The following RB1 variants were observed in gnomAD, a reference collection of about 807,000 sequenced individuals.
RB1 encodes retinoblastoma-associated protein.
RB1 carries 18 observed loss-of-function variants against 135.4 expected under a neutral mutation model. The observed-to-expected ratio is 0.13, with a 90% CI of 0.09 to 0.20. The LOEUF is 0.20. RB1 is among the 10% of genes least tolerant of loss of function. The pLI, the probability that RB1 is intolerant of heterozygous loss-of-function variation, is 1.00. For synonymous variants in RB1, 365 were observed against 373.2 expected, an observed-to-expected ratio of 0.98 and a Z score of 0.25; for missense variants, 868 against 1,110.0, an observed-to-expected ratio of 0.78 and a Z score of 3.10.
intron 17 of RB1, among the ~76,000 whole-genome samples, chr13:48,383,537 C>A (rs923655096): frequency 3.3e-5 from 5 of 152,036 alleles, no homozygotes; most frequent in Middle Eastern, 3.4e-3. Context: ...GCACATGTAA[C>A]CTTAGTTTTA....
intron 2 of RB1, chr13:48,341,040 A>C (rs147921550): frequency 6.6e-6 from 1 of 152,022 alleles, no homozygotes; most frequent in African/African-American, 2.4e-5. Context: ...CTTTTTGATC[A>C]CTCCAGAAAG....
chr13:48,342,246 A>G (rs1952451440), intron 2 of RB1, among the ~76,000 whole-genome samples: 1 of 151,390 alleles, frequency 6.6e-6, no homozygotes, highest in Non-Finnish European at 1.5e-5. Flanking sequence ...CAAACAAATT[A>G]TATGTTATGG....
At chr13:48,335,995 G>A (rs1006378497) in intron 2 of RB1, among the ~76,000 whole-genome samples, 2 of 151,950 alleles carry the variant, frequency 1.3e-5, no homozygotes, top group Non-Finnish European at 2.9e-5. Flanking sequence ...AAAGAGAAGA[G>A]AATGAGGATG....
At chr13:48,350,528 G>A (rs1489572486) in intron 6 of RB1, among the ~76,000 whole-genome samples, 1 of 152,096 alleles carries the variant, frequency 6.6e-6, no homozygotes, top group Non-Finnish European at 1.5e-5. Flanking sequence ...GCAGTACAGA[G>A]GGAAGTTTAT....
At chr13:48,406,011 A>G (rs1948736622) in intron 17 of RB1, among the ~76,000 whole-genome samples, 1 of 152,088 alleles carries the variant, frequency 6.6e-6, no homozygotes, top group Non-Finnish European at 1.5e-5. Flanking sequence ...TATATATACT[A>G]CAGTCTGTTC....
At chr13:48,402,970 T>C (rs2138183490) in intron 17 of RB1, among the ~76,000 whole-genome samples, 1 of 152,292 alleles carries the variant, frequency 6.6e-6, no homozygotes, top group African/African-American at 2.4e-5. Context: ...TAAAGTACTA[T>C]ATATAAAACC....
intron 17 of RB1, among the ~76,000 whole-genome samples, chr13:48,439,221 C>T (rs552697442): frequency 6.6e-6 from 1 of 152,214 alleles, no homozygotes; most frequent in East Asian, 1.9e-4. Context: ...CTATAAAATA[C>T]ACATATCTAC....
chr13:48,418,077 C>T (rs911213246), intron 17 of RB1, among the ~76,000 whole-genome samples: 12 of 152,178 alleles, frequency 7.9e-5, no homozygotes, highest in Non-Finnish European at 8.8e-5. Context: ...GACACATAAT[C>T]GTCAGATTCA....
rs1201326799 is a variant in RB1, at chr13:48,379,578, TTTTG to T, written c.1333-6_1333-3del. 1.9e-6 allele frequency: 3 copies of T among 1,610,408 alleles called. No homozygotes were observed. Among genetic ancestry groups the T allele is most frequent in the African/African-American group, 1.3e-5 (1 of 74,786 alleles). On this transcript the variant is annotated splice_polypyrimidine_tract_variant and intron_variant, in intron 13 of 26. Coordinates refer to ENST00000267163, the MANE Select transcript of RB1 (RefSeq NM_000321.3). ...TAAAATAGCAGGCTCTTATTTTTCT[TTTTG>T]TTTGTTTGTAGCGATACAAACTTGG...
intron 18 of RB1, 100 bp from the exon 19 acceptor site, chr13:48,456,104 A>C (rs1949358006): frequency 1.3e-6 from 2 of 1,553,594 alleles, no homozygotes; most frequent in South Asian, 2.4e-5. Flanking sequence ...ATACCAATTA[A>C]ATAGACAAGA....
At chr13:48,440,725 T>TA (rs1593519013) in intron 17 of RB1, among the ~76,000 whole-genome samples, 1 of 152,228 alleles carries the variant, frequency 6.6e-6, no homozygotes, top group East Asian at 1.9e-4. Context: ...TTTTCTTTGT[T>TA]AAAAGGTAAA....
intron 17 of RB1, among the ~76,000 whole-genome samples, chr13:48,398,165 T>C (rs1246906943): frequency 6.6e-6 from 1 of 152,202 alleles, no homozygotes; most frequent in Non-Finnish European, 1.5e-5. Flanking sequence ...AAGCTTCTCA[T>C]GAATTACCTA....
intron 7 of RB1, among the ~76,000 whole-genome samples, chr13:48,362,113 A>G (rs967325830): frequency 6.6e-6 from 1 of 151,630 alleles, no homozygotes; most frequent in African/African-American, 2.4e-5. Context: ...ACACCTGGCT[A>G]ATTTTTGTAT....
chr13:48,413,806 A>G (rs570796151), intron 17 of RB1, among the ~76,000 whole-genome samples: 7 of 152,306 alleles, frequency 4.6e-5, no homozygotes, highest in African/African-American at 1.7e-4. Flanking sequence ...TTTACTTTCT[A>G]AGCACAAAAT....
chr13:48,479,595 C>T (rs1053031577), intron 26 of RB1, among the ~76,000 whole-genome samples: 4 of 151,782 alleles, frequency 2.6e-5, no homozygotes, highest in Non-Finnish European at 5.9e-5. Context: ...AATTTACTCA[C>T]AGGGATATAT....
At position 48,342,706 on chromosome 13, in the gene RB1, A is replaced by C; in HGVS notation, c.372A>C (p.Ile124=). 1 of 1,594,376 alleles carries C rather than the reference A, an allele frequency of 6.3e-7. No homozygotes were observed. The highest frequency in any genetic ancestry group is 1.1e-5 in the South Asian group (1 of 90,606). The change falls in exon 3 of 27, where the codon ATA becomes ATC. Residue 124 remains isoleucine (I), a synonymous_variant. Transcript: ENST00000267163. ...SFTFTELQKN[I]EISVHKFFNL... is the part of the protein sequence containing the mutation. ...CTTTTACTGAGCTACAGAAAAACAT[A>C]GAAATCAGGTAAAGTTTCTTGTATA...
At chr13:48,320,317 G>A (rs1371129249) in intron 2 of RB1, 6 of 1,235,692 alleles carry the variant, frequency 4.9e-6, no homozygotes, top group Admixed American at 3.4e-5. Context: ...GCGCTGCAGC[G>A]TGCTGATGAG....
At position 48,476,859 on chromosome 13, in the gene RB1, G is replaced by A. The variant is rs757724700; in HGVS notation, c.2663+16G>A. 1.9e-6 allele frequency: 3 copies of A among 1,612,954 alleles called. No homozygotes were observed. The stretch of plus-strand genomic sequence containing the variant: ...CAGATGGAAGGTAGGAACCAGTTTT[G>A]AATGTTTTCCAGTAGCCGAGATGGT... On this transcript the variant is annotated intron_variant, in intron 25 of 26. Transcript: ENST00000267163.
intron 17 of RB1, among the ~76,000 whole-genome samples, chr13:48,388,154 C>A (rs79767462): frequency 1.3e-5 from 2 of 152,102 alleles, no homozygotes; most frequent in African/African-American, 4.8e-5. Flanking sequence ...GTACTTAAAA[C>A]AATATCTGAC....
Sources: allele counts gnomAD v4.1 joint callset (sites outside exome capture counted in the v4.1 genomes callset), GRCh38; gene constraint gnomAD v4.1.1; transcripts MANE v1.5; gene names NCBI Gene and HGNC (gene_info 2026-07-23, HGNC 2026-07-21).